KCNC4: variants seen among roughly 807,000 people sequenced by gnomAD.
KCNC4 encodes voltage-gated potassium channel KCNC4.
Under a neutral mutation model 42.8 loss-of-function variants are expected in KCNC4, and 23 were observed. That is an observed-to-expected ratio of 0.54 (90% CI 0.39 to 0.76). KCNC4 has a LOEUF of 0.76. Ranked by LOEUF, KCNC4 falls within the 30% of genes least tolerant of loss-of-function variation. KCNC4 has a pLI of 0.00. For missense variants in KCNC4, 751 were observed against 898.2 expected (o/e 0.84, Z 2.10); for synonymous variants, 422 against 393.5 (o/e 1.07, Z -0.86).
Position 110,212,183 on chromosome 1 carries a change from T to A in KCNC4, c.678+6T>A. 6.8e-7 allele frequency: 1 copy of A among 1,478,958 alleles called. No homozygotes were observed. Among genetic ancestry groups the A allele is most frequent in the Non-Finnish European group, 8.8e-7 (1 of 1,131,378 alleles). The allele number at this position is 1,478,958 out of a possible 1,614,324, so 91.6% of individuals were successfully genotyped here. A position where few individuals can be genotyped will look rare whatever the true frequency, so the allele number is the denominator to read the frequency against. On this transcript the variant is annotated splice_donor_region_variant and intron_variant, in intron 1 of 3. Transcript: ENST00000438661. ...ACTCCTCCCGGGCCGCTAGGGTGAGTGGCAGGAGCCCGTGTCTCCCCATCT... is the reference window on the plus strand; with the variant it reads ...ACTCCTCCCGGGCCGCTAGGGTGAGAGGCAGGAGCCCGTGTCTCCCCATCT...
chr1:110,252,209 AG>A (rs1659261134), downstream of KCNC4, among the ~76,000 whole-genome samples: 1 of 152,328 alleles, frequency 6.6e-6, no homozygotes, highest in East Asian at 1.9e-4. Context: ...CCTCCTAGCT[AG>A]GGAAGGATGT....
rs1480632717 is a variant in KCNC4, at chr1:110,212,099, C to G, written c.600C>G (p.Ala200=). ...ACGAGGGAGGCGCGGGCCATGGCGC[C>G]GGGTCTGGGGGCTGCCGCGGCTGGC... The part of the protein sequence containing the change: ...GPHEGGAGHG[A]GSGGCRGWQP... Residue 200 remains alanine, a synonymous_variant, in exon 1 of 4, where the codon GCC becomes GCG. Transcript: ENST00000438661. 3.9e-6 allele frequency: 6 copies of G among 1,524,392 alleles called. No homozygotes were observed. Among genetic ancestry groups the G allele is most frequent in the Non-Finnish European group, 5.2e-6 (6 of 1,148,430 alleles). 94.4% of individuals were successfully genotyped at this position (1,524,392 alleles called of 1,614,324 possible).
exon 4 of KCNC4, chr1:110,242,137 A>G (rs1211110895): frequency 6.6e-6 from 1 of 152,280 alleles, no homozygotes; most frequent in Non-Finnish European, 1.5e-5. Flanking sequence ...CACCCTCACC[A>G]TCAGTACTCC....
intron 2 of KCNC4, chr1:110,225,509 A>G (rs1163288522): frequency 6.5e-6 from 1 of 155,026 alleles, no homozygotes; most frequent in East Asian, 1.9e-4. Context: ...ACTGTCACCC[A>G]GGGAGAAAGC....
Position 110,210,329 on chromosome 1 carries a change from C to A in KCNC4, c.-1171C>A, listed in dbSNP as rs942840859. ...AAAAGGCGCCACTGGGGCGTGGCGGCCGCTGCCAGCGCCGGAGGGAGACCA... is the reference window on the plus strand; with the variant it reads ...AAAAGGCGCCACTGGGGCGTGGCGGACGCTGCCAGCGCCGGAGGGAGACCA... On this transcript the variant is annotated 5_prime_UTR_variant, in exon 1 of 4. Transcript: ENST00000438661. 6.6e-6 allele frequency among the ~76,000 whole-genome samples: 1 copy of A among 151,588 alleles called. No homozygotes were observed. Among genetic ancestry groups the A allele is most frequent in the Non-Finnish European group, 1.5e-5 (1 of 67,820 alleles).
downstream of KCNC4, chr1:110,237,683 C>G (rs749378156): frequency 1.3e-5 from 2 of 152,190 alleles, no homozygotes; most frequent in Admixed American, 6.5e-5. Flanking sequence ...GAGGCAGGTC[C>G]AGAACACAGG....
chr1:110,211,421 C>T lies in KCNC4; in HGVS notation c.-79C>T, dbSNP rs1571017007. ...GCCTCCTCTTCGTCTCCTCCCCCTCCCCCGTCTGACGCTGCCTCCTCGGGA... is the reference window on the plus strand; with the variant it reads ...GCCTCCTCTTCGTCTCCTCCCCCTCTCCCGTCTGACGCTGCCTCCTCGGGA... On this transcript the variant is annotated 5_prime_UTR_variant, in exon 1 of 4. Transcript: ENST00000438661. This position sits in a 1 kb window ranked among gnomAD's most constrained non-coding sequence, Gnocchi z 6.5. 2.0e-6 allele frequency: 3 copies of T among 1,499,000 alleles called. No individual in the cohort carries two copies. Among genetic ancestry groups the T allele is most frequent in the South Asian group, 2.7e-5 (2 of 75,152 alleles). 92.9% of individuals were successfully genotyped at this position (1,499,000 alleles called of 1,614,324 possible).
intron 1 of KCNC4, among the ~76,000 whole-genome samples, chr1:110,273,471 T>A (rs2101087951): frequency 6.6e-6 from 1 of 152,322 alleles, no homozygotes; most frequent in South Asian, 2.1e-4. Flanking sequence ...GACCCTGGGT[T>A]ATCATCTCTC....
At chr1:110,248,807 A>G (rs1023031007) in exon 4 of KCNC4, 3 of 152,234 alleles carry the variant, frequency 2.0e-5, no homozygotes, top group African/African-American at 7.2e-5. Flanking sequence ...GGACTCAGTA[A>G]ATGTTGAATG....
chr1:110,220,263 C>G (rs1000512452), intron 1 of KCNC4: 1 of 152,190 alleles, frequency 6.6e-6, no homozygotes, highest in African/African-American at 2.4e-5. Context: ...GTAGATGGAA[C>G]AGTTCTGTGT....
intron 3 of KCNC4, 73 bp from the exon 4 acceptor site, chr1:110,232,838 C>G: frequency 6.4e-7 from 1 of 1,556,448 alleles, no homozygotes; most frequent in Non-Finnish European, 8.7e-7. Context: ...TCCCTGTCCC[C>G]CCAACCCCAG....
downstream of KCNC4, chr1:110,237,789 CAG>C (rs780602670): frequency 6.6e-6 from 1 of 152,252 alleles, no homozygotes; most frequent in Non-Finnish European, 1.5e-5. Flanking sequence ...TAGGGCAGGG[CAG>C]AGAGACATCT....
At position 110,211,741 on chromosome 1, in the gene KCNC4, T is replaced by G; in HGVS notation, c.242T>G (p.Val81Gly). ...GGRPETDGGGVGSSGSSGGGG... is the reference protein window; with the variant it reads ...GGRPETDGGGGGSSGSSGGGG... The stretch of plus-strand genomic sequence containing the variant: ...CGGCCCGAGACCGATGGCGGCGGTG[T>G]GGGTAGCAGCGGCAGCAGCGGCGGC... Residue 81 changes from valine (V) to glycine (G), a missense_variant, in exon 1 of 4, where the codon GTG becomes GGG. Around this residue, in one of 4 missense-constraint regions of KCNC4, gnomAD observed 183 missense variants for 255.8 expected, o/e 0.72. Coordinates refer to ENST00000438661, the MANE Select transcript of KCNC4 (RefSeq NM_001039574.3). This position sits in a 1 kb window ranked among gnomAD's most constrained non-coding sequence, Gnocchi z 6.5. The G allele has an allele frequency of 6.2e-7, 1 of 1,609,276 alleles. No individual in the cohort carries two copies. Among genetic ancestry groups the G allele is most frequent in the South Asian group, 1.1e-5 (1 of 90,808 alleles).
rs1347482220 is a variant in KCNC4, at chr1:110,223,822, A to G, written c.1537A>G (p.Thr513Ala). 2 of 1,613,400 alleles carry G rather than the reference A, an allele frequency of 1.2e-6. No individual in the cohort carries two copies. Among genetic ancestry groups the G allele is most frequent in the East Asian group, 2.2e-5 (1 of 44,880 alleles). ...ACCCATGTACTGCAAGTCTGAGGAG[A>G]CTTCCCCCCGGGACAGCACCTGCAG... ...ESPMYCKSEE[T>A]SPRDSTCSDT... The change falls in exon 2 of 4, where the codon ACT becomes GCT. Residue 513 changes from threonine (T) to alanine (A), a missense_variant. Thr to Ala is a moderately conservative substitution (Grantham distance 58). Coordinates refer to ENST00000438661, the MANE Select transcript of KCNC4 (RefSeq NM_001039574.3). The surrounding 1 kb of genome is among the most constrained non-coding windows in gnomAD (Gnocchi z 7.5).
Position 110,223,438 on chromosome 1 carries a change from A to G in KCNC4, c.1153A>G (p.Ile385Val), listed in dbSNP as rs1658220397. 1 of 1,613,972 alleles carries G rather than the reference A, an allele frequency of 6.2e-7. No individual in the cohort carries two copies. The highest frequency in any genetic ancestry group is 1.1e-5 in the South Asian group (1 of 91,086). Residue 385 changes from isoleucine to valine, a missense_variant, in exon 2 of 4, where the codon ATC (isoleucine) becomes GTC (valine). Ile to Val is a conservative substitution (Grantham distance 29, BLOSUM62 3). Around this residue, in one of 4 missense-constraint regions of KCNC4, gnomAD observed 185 missense variants for 293.7 expected, o/e 0.63. Transcript: ENST00000438661. The surrounding 1 kb of genome is among the most constrained non-coding windows in gnomAD (Gnocchi z 7.5). ...RASTNEFLLL[I>V]IFLALGVLIF... ...CAGCACCAATGAGTTCCTGCTGCTT[A>G]TCATCTTCCTGGCCCTGGGTGTGCT...
chr1:110,284,046 G>A (rs1659871438), downstream of KCNC4, among the ~76,000 whole-genome samples: 1 of 152,194 alleles, frequency 6.6e-6, no homozygotes, highest in Non-Finnish European at 1.5e-5. Context: ...GGGATACAAA[G>A]ATCAAGGGAA....
intron 3 of KCNC4, chr1:110,232,594 A>G: frequency 7.0e-7 from 1 of 1,437,346 alleles, no homozygotes; most frequent in East Asian, 2.5e-5. Context: ...GGTTACCTGA[A>G]CAGGTATGGC....
At chr1:110,267,783 C>T (rs547393285) in intron 1 of KCNC4, among the ~76,000 whole-genome samples, 1 of 152,256 alleles carries the variant, frequency 6.6e-6, no homozygotes. Context: ...ACCTCACAGG[C>T]TAAATTGGTT....
At position 110,211,872 on chromosome 1, in the gene KCNC4, C is replaced by A; in HGVS notation, c.373C>A (p.Leu125Ile). 6.2e-7 allele frequency: 1 copy of A among 1,611,758 alleles called. No individual in the cohort carries two copies. The highest frequency in any genetic ancestry group is 8.5e-7 in the Non-Finnish European group (1 of 1,179,858). ...CTGCCCCGCGGACGTGTGCGGGCCGCTCTTCGAAGAGGAGCTCACCTTCTG... is the reference window on the plus strand; with the variant it reads ...CTGCCCCGCGGACGTGTGCGGGCCGATCTTCGAAGAGGAGCTCACCTTCTG... The part of the protein sequence containing the change: ...LHCPADVCGP[L>I]FEEELTFWGI... Residue 125 changes from leucine (L) to isoleucine (I), a missense_variant, in exon 1 of 4, where the codon CTC becomes ATC. Physicochemically the swap from Leu to Ile is conservative, Grantham distance 5. Transcript: ENST00000438661. This position sits in a 1 kb window ranked among gnomAD's most constrained non-coding sequence, Gnocchi z 6.5.
Sources: allele counts gnomAD v4.1 joint callset (sites outside exome capture counted in the v4.1 genomes callset), GRCh38; gene constraint gnomAD v4.1.1; regional missense constraint gnomAD v4.1.1; non-coding constraint Gnocchi (gnomAD v3.1); transcripts MANE v1.5; gene names NCBI Gene and HGNC (gene_info 2026-07-23, HGNC 2026-07-21).